FUT8: variants seen among roughly 807,000 people sequenced by gnomAD.
FUT8 encodes the protein alpha-(1,6)-fucosyltransferase.
A neutral mutation model predicts 71.3 loss-of-function variants in FUT8; 29 were observed. That is an observed-to-expected ratio of 0.41 (90% CI 0.30 to 0.55). The LOEUF (loss-of-function observed/expected upper bound fraction) is 0.55. Among genes scored for constraint, FUT8 ranks in the 20% least tolerant of loss-of-function variants. The pLI, the probability that FUT8 is intolerant of heterozygous loss-of-function variation, is 0.34. For synonymous variants in FUT8, 254 were observed against 239.3 expected, an observed-to-expected ratio of 1.06 and a Z score of -0.57; for missense variants, 544 against 702.1, an observed-to-expected ratio of 0.77 and a Z score of 2.55.
chr14:65,619,519 C>G (rs1272722900), intron 5 of FUT8, among the ~76,000 whole-genome samples: 2 of 152,126 alleles, frequency 1.3e-5, no homozygotes, highest in Non-Finnish European at 2.9e-5. Flanking sequence ...TAGCAAAATA[C>G]TATTTATTTA....
intron 2 of FUT8, among the ~76,000 whole-genome samples, chr14:65,540,809 T>G (rs1332602228): frequency 1.3e-5 from 2 of 152,192 alleles, no homozygotes; most frequent in African/African-American, 4.8e-5. Flanking sequence ...GAGAAGATTG[T>G]AGATCTACTT....
chr14:65,599,609 T>C (rs1006388534), intron 3 of FUT8, among the ~76,000 whole-genome samples: 45 of 152,236 alleles, frequency 3.0e-4, no homozygotes, highest in Non-Finnish European at 4.4e-5. Context: ...GATACATTCC[T>C]GGGCCAGACA....
chr14:65,681,119 C>T (rs1398025043), intron 7 of FUT8, among the ~76,000 whole-genome samples: 1 of 152,120 alleles, frequency 6.6e-6, no homozygotes, highest in Non-Finnish European at 1.5e-5. Flanking sequence ...TTAAACAGTT[C>T]ATGTTTCTTT....
chr14:65,358,068 T>C, the FUT8 span, among the ~76,000 whole-genome samples: 1 of 152,132 alleles, frequency 6.6e-6, no homozygotes, highest in Admixed American at 6.5e-5. Context: ...CAGGAGAGGT[T>C]GGTCAACAGG....
At chr14:65,702,744 G>GTT (rs751788495) in intron 7 of FUT8, among the ~76,000 whole-genome samples, 1 of 151,080 alleles carries the variant, frequency 6.6e-6, no homozygotes. Context: ...AAATTTTTGT[G>GTT]GTTTTTTTTT....
At chr14:65,698,534 G>A (rs1029841964) in intron 7 of FUT8, among the ~76,000 whole-genome samples, 3 of 152,106 alleles carry the variant, frequency 2.0e-5, no homozygotes, top group Admixed American at 6.5e-5. Flanking sequence ...CTTTTTGTAG[G>A]TATTTGAGGT....
chr14:65,646,227 A>C (rs2140309783), intron 6 of FUT8: 1 of 152,346 alleles, frequency 6.6e-6, no homozygotes. Context: ...CCATTGAACT[A>C]GGAGGGCACC....
chr14:65,494,322 T>C (rs531452457), intron 2 of FUT8, among the ~76,000 whole-genome samples: 18 of 152,308 alleles, frequency 1.2e-4, no homozygotes, highest in Admixed American at 3.9e-4. Flanking sequence ...TTTACACTTA[T>C]AGCACATCTC....
At chr14:65,394,104 G>A in the FUT8 span, among the ~76,000 whole-genome samples, 2 of 152,162 alleles carry the variant, frequency 1.3e-5, no homozygotes, top group Admixed American at 1.3e-4. Flanking sequence ...TTACACGCAT[G>A]CACCACCATG....
chr14:65,633,605 A>C (rs1351101555), intron 6 of FUT8, among the ~76,000 whole-genome samples: 1 of 146,460 alleles, frequency 6.8e-6, no homozygotes, highest in African/African-American at 2.6e-5. Context: ...CCATCGTCTG[A>C]GATGTGGGGA....
intron 7 of FUT8, among the ~76,000 whole-genome samples, chr14:65,682,619 T>C (rs569728774): frequency 2.0e-5 from 3 of 152,316 alleles, no homozygotes; most frequent in Admixed American, 6.5e-5. Flanking sequence ...ACCAGACATC[T>C]TAGGTATAGA....
At chr14:65,388,483 C>A in the FUT8 span, among the ~76,000 whole-genome samples, 7 of 152,106 alleles carry the variant, frequency 4.6e-5, no homozygotes, top group African/African-American at 1.4e-4. Flanking sequence ...CAATATCGGC[C>A]GGGCATGGTG....
chr14:65,649,377 C>T (rs992420989), intron 6 of FUT8, among the ~76,000 whole-genome samples: 11 of 152,156 alleles, frequency 7.2e-5, no homozygotes, highest in South Asian at 4.2e-4. Flanking sequence ...GAGTGATAGC[C>T]GAACTTGCTG....
In FUT8 at chr14:65,652,303, G is replaced by A. The variant is rs562336707; in HGVS notation, c.598-16940G>A. On this transcript the variant is annotated intron_variant, in intron 6 of 10. Transcript: ENST00000673929. The surrounding 1 kb of genome is among the most constrained non-coding windows in gnomAD (Gnocchi z 4.0). The stretch of plus-strand genomic sequence containing the variant: ...CCCTGTTTTGTATGCCCTCTGCTAG[G>A]ATGGCTGTGCGATTTGCTCCTGGTT... Among the ~76,000 whole-genome samples, 17 of 152,322 alleles carry A rather than the reference G, an allele frequency of 1.1e-4. 1 individual carries two copies. The South Asian group carries it at 1.7e-3, about 15-fold the overall frequency.
chr14:65,677,873 A>T (rs548331991), intron 7 of FUT8, among the ~76,000 whole-genome samples: 3 of 152,228 alleles, frequency 2.0e-5, no homozygotes, highest in Non-Finnish European at 4.4e-5. Flanking sequence ...GTGGGCCACC[A>T]GAGAATAGAA....
chr14:65,732,809 A>T (rs938512661), intron 9 of FUT8, among the ~76,000 whole-genome samples: 2 of 152,194 alleles, frequency 1.3e-5, no homozygotes, highest in Non-Finnish European at 2.9e-5. Flanking sequence ...GTCTAACCCA[A>T]ATCTGAATTA....
chr14:65,531,739 A>G (rs748194059), intron 2 of FUT8, among the ~76,000 whole-genome samples: 4 of 152,052 alleles, frequency 2.6e-5, no homozygotes, highest in Non-Finnish European at 5.9e-5. Flanking sequence ...CTAGTACCCA[A>G]TAGTTATGTT....
Position 65,611,210 on chromosome 14 carries a change from C to T in FUT8, c.204-4768C>T, listed in dbSNP as rs1315888853. Among the ~76,000 whole-genome samples the T allele has an allele frequency of 2.2e-3, 10 of 4,542 alleles. 2 individuals are homozygous for T. The South Asian group carries it at 0.037, about 17-fold the overall frequency. 3.0% of individuals were successfully genotyped at this position (4,542 alleles called of 152,430 possible). ...ACACACACACACACGCGCGCGCGCG[C>T]GCGCGCGCGCGCGCACACACACACA... On this transcript the variant is annotated intron_variant, in intron 3 of 10. Coordinates refer to ENST00000673929, the MANE Select transcript of FUT8 (RefSeq NM_001371533.1).
At chr14:65,551,512 T>G (rs1175120590) in intron 2 of FUT8, among the ~76,000 whole-genome samples, 1 of 152,154 alleles carries the variant, frequency 6.6e-6, no homozygotes, top group Admixed American at 6.5e-5. Context: ...GGTTAAAAAT[T>G]TCCTAAGAGG....
Sources: allele counts gnomAD v4.1 joint callset (sites outside exome capture counted in the v4.1 genomes callset), GRCh38; gene constraint gnomAD v4.1.1; non-coding constraint Gnocchi (gnomAD v3.1); transcripts MANE v1.5; gene names NCBI Gene and HGNC (gene_info 2026-07-23, HGNC 2026-07-21).